TMEM14B: variants seen among roughly 807,000 people sequenced by gnomAD.
TMEM14B encodes transmembrane protein 14B.
A neutral mutation model predicts 14.8 loss-of-function variants in TMEM14B; 9 were observed. That is an observed-to-expected ratio of 0.61 (90% CI 0.37 to 1.06). The LOEUF (loss-of-function observed/expected upper bound fraction) is 1.06. Ranked by LOEUF, TMEM14B falls within the 50% of genes least tolerant of loss-of-function variation. TMEM14B has a pLI of 0.01. For missense variants in TMEM14B, 128 were observed against 143.6 expected, an observed-to-expected ratio of 0.89 and a Z score of 0.56; for synonymous variants, 40 against 51.3, an observed-to-expected ratio of 0.78 and a Z score of 0.94.
chr6:10,755,812 G>A (rs1328313637), intron 5 of TMEM14B: 3 of 300,314 alleles, frequency 1.0e-5, no homozygotes, highest in Non-Finnish European at 1.5e-5. Flanking sequence ...AAATTAGGTG[G>A]GTGCGGTGGT....
At position 10,756,540 on chromosome 6, in the gene TMEM14B, G is replaced by C. The variant is rs201755069; in HGVS notation, c.*22G>C. The C allele has an allele frequency of 1.4e-5, 23 of 1,608,620 alleles. No individual in the cohort carries two copies. Among genetic ancestry groups the C allele is most frequent in the South Asian group, 4.5e-5 (4 of 89,772 alleles). ...TTAGCAGAAGTCATGTTCCAGCTTGGACTCATGAAGGATTAAAAATCTGCA... is the reference window on the plus strand; with the variant it reads ...TTAGCAGAAGTCATGTTCCAGCTTGCACTCATGAAGGATTAAAAATCTGCA... On this transcript the variant is annotated 3_prime_UTR_variant, in exon 6 of 6. Coordinates refer to ENST00000379542, the MANE Select transcript of TMEM14B (RefSeq NM_030969.5).
chr6:10,754,938 C>T (rs563639472), intron 4 of TMEM14B, among the ~76,000 whole-genome samples: 2 of 152,254 alleles, frequency 1.3e-5, no homozygotes, highest in South Asian at 4.1e-4. Flanking sequence ...GCAGGTAGGG[C>T]CCAGGCTGTG....
intron 1 of TMEM14B, among the ~76,000 whole-genome samples, chr6:10,748,595 T>C (rs1771424647): frequency 6.6e-6 from 1 of 152,204 alleles, no homozygotes; most frequent in South Asian, 2.1e-4. Context: ...TTGCTTTCCA[T>C]CTTGTTAGGT....
intron 3 of TMEM14B, among the ~76,000 whole-genome samples, chr6:10,750,588 A>G (rs988466545): frequency 4.6e-5 from 7 of 152,082 alleles, no homozygotes; most frequent in Non-Finnish European, 1.0e-4. Context: ...GGCATTATCA[A>G]TCGGACGAAT....
At chr6:10,755,112 A>G in intron 4 of TMEM14B, 30 bp from the exon 5 acceptor site, 1 of 1,611,012 alleles carries the variant, frequency 6.2e-7, no homozygotes. Flanking sequence ...AAGACTAATG[A>G]GTTTTGACCC....
At chr6:10,757,085 A>G (rs773775891), downstream of TMEM14B, 1 of 751,910 alleles carries the variant, frequency 1.3e-6, no homozygotes, top group Non-Finnish European at 1.6e-6. Flanking sequence ...GAAATTACCT[A>G]TTTTGAGTAA....
At position 10,755,178 on chromosome 6, in the gene TMEM14B, T is replaced by C. The variant is rs1407773378; in HGVS notation, c.239T>C (p.Met80Thr). ...TSVTFVGVMG[M>T]RSYYYGKFMP... Reference sequence around the variant, plus strand: ...GTTACTTTTGTTGGTGTTATGGGAATGAGATCCTACTACTATGGAAAATTC... The same window carrying C: ...GTTACTTTTGTTGGTGTTATGGGAACGAGATCCTACTACTATGGAAAATTC... Residue 80 changes from methionine (M) to threonine (T), a missense_variant, in exon 5 of 6, where the codon ATG becomes ACG. Transcript: ENST00000379542. The C allele has an allele frequency of 5.6e-6, 9 of 1,613,786 alleles. No individual in the cohort carries two copies. The South Asian group carries it at 7.7e-5, about 14-fold the overall frequency.
At chr6:10,750,236 T>G (rs1241988985) in intron 3 of TMEM14B, among the ~76,000 whole-genome samples, 2 of 151,918 alleles carry the variant, frequency 1.3e-5, no homozygotes, top group African/African-American at 4.8e-5. Flanking sequence ...AGGTCCTGCC[T>G]GTACACAATT....
chr6:10,751,257 T>G (rs1028190937), intron 4 of TMEM14B, 23 bp downstream of exon 4: 6 of 1,612,500 alleles, frequency 3.7e-6, no homozygotes, highest in Non-Finnish European at 5.1e-6. Context: ...CAGCGTCTCC[T>G]TAGGGCAATC....
Position 10,749,603 on chromosome 6 carries a change from A to C in TMEM14B, c.24-19A>C. The stretch of plus-strand genomic sequence containing the variant: ...CCAGGTTAGCACTGACTTCTCACTG[A>C]CTTCTCTTGTGTTTTCAGAGTGCCT... On this transcript the variant is annotated intron_variant, in intron 2 of 5. Coordinates refer to ENST00000379542, the MANE Select transcript of TMEM14B (RefSeq NM_030969.5). The C allele has an allele frequency of 1.9e-6, 3 of 1,613,922 alleles. No homozygotes were observed. The highest frequency in any genetic ancestry group is 2.5e-6 in the Non-Finnish European group (3 of 1,179,832).
downstream of TMEM14B, chr6:10,759,708 A>G (rs1167894842): frequency 6.6e-6 from 1 of 152,210 alleles, no homozygotes; most frequent in Non-Finnish European, 1.5e-5. Flanking sequence ...TTGTAGAATG[A>G]AAGCAGCCAC....
At chr6:10,749,522 G>A in intron 2 of TMEM14B, 100 bp from the exon 3 acceptor site, 2 of 1,398,390 alleles carry the variant, frequency 1.4e-6, no homozygotes, top group Non-Finnish European at 2.0e-6. Context: ...CATAGGACCT[G>A]TGGGGAATGA....
At chr6:10,756,427 T>C in intron 5 of TMEM14B, 40 bp from the exon 6 acceptor site, 22 of 1,611,012 alleles carry the variant, frequency 1.4e-5, no homozygotes, top group Non-Finnish European at 1.9e-5. Flanking sequence ...GCCTGTTCTA[T>C]CCTTTACCTG....
rs111324359 is a variant in TMEM14B, at chr6:10,751,905, G to A, written c.202+671G>A. On this transcript the variant is annotated intron_variant, in intron 4 of 5. Coordinates refer to ENST00000379542, the MANE Select transcript of TMEM14B (RefSeq NM_030969.5). Reference sequence around the variant, plus strand: ...AGAGTCCTCATCAGAGTGGTTTTCAGTACATTTCTGTGGAGCTCCACCCAT... The same window carrying A: ...AGAGTCCTCATCAGAGTGGTTTTCAATACATTTCTGTGGAGCTCCACCCAT... Among the ~76,000 whole-genome samples the A allele has an allele frequency of 7.4e-3, 1,126 of 152,196 alleles. 22 individuals carry two copies. The highest frequency in any genetic ancestry group is 0.024 in the African/African-American group (1,011 of 41,452).
chr6:10,755,065 T>G (rs987280037), intron 4 of TMEM14B, 77 bp from the exon 5 acceptor site: 2 of 1,468,816 alleles, frequency 1.4e-6, no homozygotes, highest in Non-Finnish European at 1.9e-6. Context: ...CTTGAGAGAT[T>G]GGTGGGGCTT....
intron 2 of TMEM14B, 143 bp from the exon 3 acceptor site, chr6:10,749,479 G>T: frequency 8.7e-7 from 1 of 1,155,446 alleles, no homozygotes; most frequent in Non-Finnish European, 1.3e-6. Flanking sequence ...CAACCTCTGT[G>T]GTGCTTATTT....
chr6:10,753,715 G>A (rs1021356188), intron 4 of TMEM14B, among the ~76,000 whole-genome samples: 3 of 151,956 alleles, frequency 2.0e-5, no homozygotes, highest in African/African-American at 7.3e-5. Context: ...CCTGTCTTCT[G>A]TTCTCCATCC....
chr6:10,756,765 A>C lies in TMEM14B; in HGVS notation c.*247A>C, dbSNP rs903797188. The C allele has an allele frequency of 3.5e-5, 40 of 1,128,106 alleles. No individual in the cohort carries two copies. In the African/African-American group the frequency reaches 5.9e-4, roughly 17 times the overall value. The allele number at this position is 1,128,106 out of a possible 1,614,324, so 69.9% of individuals were successfully genotyped here. ...AGATCGATTCTTGTATATTGATTTT[A>C]TCTCTTTCTGTATCTATAGGTAAAT... On this transcript the variant is annotated 3_prime_UTR_variant, in exon 6 of 6. Transcript: ENST00000379542.
At chr6:10,755,098 G>T in intron 4 of TMEM14B, 44 bp from the exon 5 acceptor site, 1 of 1,604,336 alleles carries the variant, frequency 6.2e-7, no homozygotes, top group African/African-American at 1.3e-5. Context: ...ATTCCCCTGC[G>T]TAGAAGACTA....
Sources: gnomAD v4.1 joint callset for allele counts (sites outside exome capture counted in the v4.1 genomes callset) on GRCh38, gnomAD v4.1.1 for gene constraint, MANE v1.5 for transcripts, NCBI Gene and HGNC (gene_info 2026-07-23, HGNC 2026-07-21) for gene names.